ZNF816: variants seen among roughly 807,000 people sequenced by gnomAD.
ZNF816 encodes zinc finger protein 816A.
In ZNF816, 11 loss-of-function variants were observed where a neutral mutation model predicts 8.3. The observed-to-expected ratio is 1.32, with a 90% CI of 0.83 to 2.19. ZNF816 has a LOEUF of 2.19. ZNF816 is among the 30% of genes most tolerant of loss of function. The probability of loss-of-function intolerance (pLI) is 0.00; values close to 1 mark genes in which losing one functional copy is unlikely to be tolerated. For missense variants in ZNF816, 710 were observed against 779.3 expected (o/e 0.91, Z 1.06); for synonymous variants, 255 against 254.5 (o/e 1.00, Z -0.02).
intron 1 of ZNF816, among the ~76,000 whole-genome samples, chr19:52,956,615 T>C (rs141169693): frequency 1.8e-4 from 28 of 152,280 alleles, no homozygotes; most frequent in African/African-American, 6.7e-4. Context: ...AGCTCTGGGG[T>C]TGGACACCAG....
intron 1 of ZNF816, among the ~76,000 whole-genome samples, chr19:52,962,391 C>T (rs1468271090): frequency 1.3e-5 from 2 of 152,154 alleles, no homozygotes; most frequent in Admixed American, 1.3e-4. Context: ...GGGTACTCTC[C>T]CTGTAGCCCT....
intron 2 of ZNF816, among the ~76,000 whole-genome samples, chr19:52,955,037 G>C (rs1392616289): frequency 6.6e-6 from 1 of 152,066 alleles, no homozygotes; most frequent in Admixed American, 6.5e-5. Context: ...ATCATGTGAT[G>C]TTTAAAATAA....
chr19:52,949,729 AC>A lies in ZNF816; in HGVS notation c.*89del. ...ATGAATGACGTCTGAAAAATTTGCC[AC>A]ATTTATTACACTTGTAGATCTCTCT... is the stretch of plus-strand genomic sequence containing the variant. On this transcript the variant is annotated 3_prime_UTR_variant, in exon 4 of 4. Transcript: ENST00000444460. 6.3e-7 allele frequency: 1 copy of A among 1,595,316 alleles called. No individual in the cohort carries two copies. Among genetic ancestry groups the A allele is most frequent in the East Asian group, 2.2e-5 (1 of 44,734 alleles).
In ZNF816 at chr19:52,949,597, A is replaced by G. The variant is rs569386170; in HGVS notation, c.*222T>C. The G allele has an allele frequency of 2.5e-5, 20 of 795,038 alleles. No homozygotes were observed. The East Asian group carries it at 5.2e-4, about 21-fold the overall frequency. The allele number at this position is 795,038 out of a possible 1,614,324, so 49.2% of individuals were successfully genotyped here. A position where few individuals can be genotyped will look rare whatever the true frequency, so the allele number is the denominator to read the frequency against. ...CACACTTGTGAGGTTTCTCTCCTGT[A>G]TGAATTCTATGTTTTGCATAGGATG... On this transcript the variant is annotated 3_prime_UTR_variant, in exon 4 of 4. Transcript: ENST00000444460.
chr19:52,955,923 C>T (rs746303371), intron 2 of ZNF816, 104 bp downstream of exon 2: 19 of 1,422,536 alleles, frequency 1.3e-5, no homozygotes, highest in African/African-American at 5.8e-5. Flanking sequence ...TGCGAGCAAA[C>T]GTGTGATGTA....
Position 52,952,893 on chromosome 19 carries a change from C to T in ZNF816, c.64-16G>A, listed in dbSNP as rs779707302. 5 of 1,585,376 alleles carry T rather than the reference C, an allele frequency of 3.2e-6. No individual in the cohort carries two copies. The highest frequency in any genetic ancestry group is 2.7e-5 in the African/African-American group (2 of 72,870). On this transcript the variant is annotated splice_polypyrimidine_tract_variant and intron_variant, in intron 2 of 3. Coordinates refer to ENST00000444460, the MANE Select transcript of ZNF816 (RefSeq NM_001202457.3). ...TCAAGCGTCCCTAAAATAAAAAACA[C>T]GTTTCAACAAAACATTATGGAGGAG...
rs1323342376 is a variant in ZNF816 at position 52,957,782 on chromosome 19, C to T, written c.-15-1678G>A. ...TTCACCAGTTCTTGTACATGCCTGA[C>T]TTGAAAGGACTTGAAAGGACTTGCT... On this transcript the variant is annotated intron_variant, in intron 1 of 3. Transcript: ENST00000444460. This position sits in a 1 kb window ranked among gnomAD's most constrained non-coding sequence, Gnocchi z 4.6. Among the ~76,000 whole-genome samples the T allele has an allele frequency of 6.6e-6, 1 of 152,190 alleles. No individual in the cohort carries two copies. Among genetic ancestry groups the T allele is most frequent in the Non-Finnish European group, 1.5e-5 (1 of 68,046 alleles).
intron 3 of ZNF816, among the ~76,000 whole-genome samples, chr19:52,952,203 TAATAAAAATATGAA>T (rs1306072109): frequency 2.0e-5 from 3 of 152,190 alleles, no homozygotes; most frequent in African/African-American, 7.2e-5. Flanking sequence ...ACCCTATGTC[TAATAAAAATATGAA>T]AATCTGCCAG....
At chr19:52,960,872 C>T (rs1027128858) in intron 1 of ZNF816, among the ~76,000 whole-genome samples, 1 of 152,192 alleles carries the variant, frequency 6.6e-6, no homozygotes, top group Non-Finnish European at 1.5e-5. Context: ...CTGAAGAAGA[C>T]GACAAGCCCT....
chr19:52,953,542 ATAC>A (rs1292147276), intron 2 of ZNF816, among the ~76,000 whole-genome samples: 1 of 45,114 alleles, frequency 2.2e-5, no homozygotes, highest in East Asian at 4.2e-4. Flanking sequence ...ATAATATATA[ATAC>A]AATATTATAT....
Position 52,950,672 on chromosome 19 carries a change from G to C in ZNF816, c.1103C>G (p.Pro368Arg), listed in dbSNP as rs1043395537. Residue 368 changes from proline to arginine, a missense_variant, in exon 4 of 4, where the codon CCT becomes CGT. Physicochemically the swap from Pro to Arg is moderately radical, Grantham distance 103. Coordinates refer to ENST00000444460, the MANE Select transcript of ZNF816 (RefSeq NM_001202457.3). The part of the protein sequence containing the change: ...IHKAIHTGEK[P>R]YKCNECGKTF... ...CTTGCCACACTCATTACACTTGTAA[G>C]GTTTCTCTCCAGTATGAATTGCCTT... 6.2e-6 allele frequency: 10 copies of C among 1,614,068 alleles called. No individual in the cohort carries two copies. Among genetic ancestry groups the C allele is most frequent in the Non-Finnish European group, 8.5e-6 (10 of 1,180,036 alleles).
chr19:52,959,479 C>T (rs2083538247), intron 1 of ZNF816, among the ~76,000 whole-genome samples: 1 of 152,176 alleles, frequency 6.6e-6, no homozygotes, highest in Non-Finnish European at 1.5e-5. Flanking sequence ...GCTTCAACAG[C>T]CCACAAGGAG....
chr19:52,962,154 C>T (rs1420450919), intron 1 of ZNF816, among the ~76,000 whole-genome samples: 2 of 151,948 alleles, frequency 1.3e-5, no homozygotes, highest in African/African-American at 4.8e-5. Context: ...ACTGGACGGC[C>T]CCCGCTGGAC....
At chr19:52,954,775 T>G (rs2083494898) in intron 2 of ZNF816, among the ~76,000 whole-genome samples, 1 of 128,174 alleles carries the variant, frequency 7.8e-6, no homozygotes, top group South Asian at 2.5e-4. Flanking sequence ...AATGTGCCAC[T>G]ACACTCCAGG....
At chr19:52,959,623 T>C (rs2083539715) in intron 1 of ZNF816, among the ~76,000 whole-genome samples, 1 of 152,178 alleles carries the variant, frequency 6.6e-6, no homozygotes, top group Non-Finnish European at 1.5e-5. Context: ...AAGGTAAGAC[T>C]GAAAATATTT....
In ZNF816 at chr19:52,950,531, T is replaced by C. The variant is rs375790603; in HGVS notation, c.1244A>G (p.His415Arg). ...VYIRRSHLER[H>R]RKIHTGEGSY... ...TCCCTCTCCAGTATGAATCTTCCTATGTCTTTCAAGGTGTGATCTGCGAAT... is the reference window on the plus strand; with the variant it reads ...TCCCTCTCCAGTATGAATCTTCCTACGTCTTTCAAGGTGTGATCTGCGAAT... Residue 415 changes from histidine (H) to arginine (R), a missense_variant, in exon 4 of 4, where the codon CAT becomes CGT. By Grantham distance (29) the His-to-Arg change is conservative. Coordinates refer to ENST00000444460, the MANE Select transcript of ZNF816 (RefSeq NM_001202457.3). 8.1e-6 allele frequency: 13 copies of C among 1,613,584 alleles called. No individual in the cohort carries two copies. In the African/African-American group the frequency reaches 1.6e-4, roughly 20 times the overall value.
Position 52,957,876 on chromosome 19 carries a change from G to A in ZNF816, c.-15-1772C>T, listed in dbSNP as rs1263895906. 6.6e-6 allele frequency among the ~76,000 whole-genome samples: 1 copy of A among 152,166 alleles called. No homozygotes were observed. Among genetic ancestry groups the A allele is most frequent in the Non-Finnish European group, 1.5e-5 (1 of 68,034 alleles). ...TTACAGCTAAGGTTACCCAGAACGG[G>A]AGTCATTATGGCCCTTACAGTCCCC... On this transcript the variant is annotated intron_variant, in intron 1 of 3. Coordinates refer to ENST00000444460, the MANE Select transcript of ZNF816 (RefSeq NM_001202457.3). The surrounding 1 kb of genome is among the most constrained non-coding windows in gnomAD (Gnocchi z 4.6).
At chr19:52,960,275 G>A in intron 1 of ZNF816, 1 of 267,356 alleles carries the variant, frequency 3.7e-6, no homozygotes, top group Admixed American at 4.1e-5. Context: ...GGACTTCACA[G>A]AAATGCCAAA....
In ZNF816 at chr19:52,957,892, T is replaced by A. The variant is rs2083523820; in HGVS notation, c.-15-1788A>T. On this transcript the variant is annotated intron_variant, in intron 1 of 3. Coordinates refer to ENST00000444460, the MANE Select transcript of ZNF816 (RefSeq NM_001202457.3). This position sits in a 1 kb window ranked among gnomAD's most constrained non-coding sequence, Gnocchi z 4.6. Reference sequence around the variant, plus strand: ...CCAGAACGGGAGTCATTATGGCCCTTACAGTCCCCCAGGAAGAGGAATGGA... The same window carrying A: ...CCAGAACGGGAGTCATTATGGCCCTAACAGTCCCCCAGGAAGAGGAATGGA... 6.6e-6 allele frequency among the ~76,000 whole-genome samples: 1 copy of A among 152,124 alleles called. No individual in the cohort carries two copies. The highest frequency in any genetic ancestry group is 2.1e-4 in the South Asian group (1 of 4,838).
Sources: gnomAD v4.1 joint callset for allele counts (sites outside exome capture counted in the v4.1 genomes callset) on GRCh38, gnomAD v4.1.1 for gene constraint, Gnocchi (gnomAD v3.1) non-coding constraint, MANE v1.5 for transcripts, NCBI Gene and HGNC (gene_info 2026-07-23, HGNC 2026-07-21) for gene names.